Variants in GNPDA1 observed in about 807,000 individuals in gnomAD.
GNPDA1 encodes the protein GNPDA 1.
In GNPDA1, 24 loss-of-function variants were observed where a neutral mutation model predicts 28.5. The observed-to-expected ratio is 0.84, with a 90% CI of 0.61 to 1.19. GNPDA1 has a LOEUF of 1.19. GNPDA1 is among the 50% of genes most tolerant of loss of function. GNPDA1 has a pLI of 0.00. For synonymous variants in GNPDA1, 147 were observed against 139.3 expected (o/e 1.06, Z -0.39); for missense variants, 264 against 367.3 (o/e 0.72, Z 2.30).
intron 2 of GNPDA1, among the ~76,000 whole-genome samples, chr5:142,011,323 G>T (rs1477094555): frequency 6.6e-6 from 1 of 151,546 alleles, no homozygotes; most frequent in African/African-American, 2.4e-5. Flanking sequence ...GATGGGTCAG[G>T]TAGGGCCACT....
intron 1 of GNPDA1, chr5:142,012,767 G>C: frequency 1.2e-6 from 1 of 837,438 alleles, no homozygotes; most frequent in African/African-American, 1.8e-5. Context: ...CCCCAGCACT[G>C]CGGTTAGTGG....
rs1305387194 is a variant in GNPDA1 at position 142,011,885 on chromosome 5, C to T, written c.124+27G>A. On this transcript the variant is annotated intron_variant, in intron 2 of 6. Coordinates refer to ENST00000311337, the MANE Select transcript of GNPDA1 (RefSeq NM_005471.5). ...TGCCTACTCTCTCCACCCTTATCCACGGCACCCTCTCCATCCAAGAACGCA... is the reference window on the plus strand; with the variant it reads ...TGCCTACTCTCTCCACCCTTATCCATGGCACCCTCTCCATCCAAGAACGCA... 17 of 1,613,288 alleles carry T rather than the reference C, an allele frequency of 1.1e-5. No individual in the cohort carries two copies. In the East Asian group the frequency reaches 3.6e-4, roughly 34 times the overall value.
intron 5 of GNPDA1, among the ~76,000 whole-genome samples, chr5:142,004,023 G>A (rs1755740976): frequency 6.6e-6 from 1 of 152,190 alleles, no homozygotes; most frequent in African/African-American, 2.4e-5. Flanking sequence ...TGCAGAAGCA[G>A]AGAGGGAATG....
rs1170565313 is a variant in GNPDA1 at position 142,000,802 on chromosome 5, C to T, written c.*1227G>A. On this transcript the variant is annotated 3_prime_UTR_variant, in exon 7 of 7. Transcript: ENST00000311337. Reference sequence around the variant, plus strand: ...ACAAAACACTGGTACCAAACATAGCCCTTAGGCCTGGGCTAGGCTCTCAAA... The same window carrying T: ...ACAAAACACTGGTACCAAACATAGCTCTTAGGCCTGGGCTAGGCTCTCAAA... The T allele has an allele frequency of 2.0e-5, 3 of 152,328 alleles. No homozygotes were observed. The highest frequency in any genetic ancestry group is 6.5e-5 in the Admixed American group (1 of 15,276). 9.4% of individuals were successfully genotyped at this position (152,328 alleles called of 1,614,324 possible). A position where few individuals can be genotyped will look rare whatever the true frequency, so the allele number is the denominator to read the frequency against.
In GNPDA1 at chr5:142,005,133, C is replaced by T. The variant is rs1365327605; in HGVS notation, c.410-17G>A. The T allele has an allele frequency of 7.0e-6, 11 of 1,566,322 alleles. No homozygotes were observed. The East Asian group carries it at 1.1e-4, about 16-fold the overall frequency. On this transcript the variant is annotated splice_polypyrimidine_tract_variant and intron_variant, in intron 4 of 6. Coordinates refer to ENST00000311337, the MANE Select transcript of GNPDA1 (RefSeq NM_005471.5). ...GGCCGATGCCTATAGGGAGAGAGCC[C>T]GTGCAGCCCTGTCAGTCCCAGGGAT...
rs1041249058 is a variant in GNPDA1, at chr5:142,000,999, G to C, written c.*1030C>G. ...GGGCAAAAGGGTTGTATTTCCTGAT[G>C]CTCTCAGAACATCAGACCACACCAT... On this transcript the variant is annotated 3_prime_UTR_variant, in exon 7 of 7. Transcript: ENST00000311337. 6.6e-6 allele frequency: 1 copy of C among 152,550 alleles called. No homozygotes were observed. Among genetic ancestry groups the C allele is most frequent in the African/African-American group, 2.4e-5 (1 of 41,566 alleles). 9.4% of individuals were successfully genotyped at this position (152,550 alleles called of 1,614,324 possible).
rs60242628 is a variant in GNPDA1 at position 142,001,624 on chromosome 5, CAAGACTCTTCA to C, written c.*394_*404del. The C allele has an allele frequency of 0.71, 111,932 of 157,308 alleles. 40,159 individuals carry two copies. The highest frequency in any genetic ancestry group is 0.97 in the East Asian group (5,285 of 5,438). 9.7% of individuals were successfully genotyped at this position (157,308 alleles called of 1,614,324 possible). A position where few individuals can be genotyped will look rare whatever the true frequency, so the allele number is the denominator to read the frequency against. On this transcript the variant is annotated 3_prime_UTR_variant, in exon 7 of 7. Transcript: ENST00000311337. Reference sequence around the variant, plus strand: ...GGCAGGCCTGTGCAAGAAGGACTCTCAAGACTCTTCAAAGAGGTGGTATCCAATATACATAA... The same window carrying C: ...GGCAGGCCTGTGCAAGAAGGACTCTCAAGAGGTGGTATCCAATATACATAA...
intron 2 of GNPDA1, 75 bp downstream of exon 2, chr5:142,011,837 G>C: frequency 6.4e-7 from 1 of 1,551,662 alleles, no homozygotes; most frequent in Non-Finnish European, 8.9e-7. Flanking sequence ...TTGGCTGAGT[G>C]AGCCGGTGTA....
At chr5:142,008,084 G>GAC (rs930800923) in intron 2 of GNPDA1, among the ~76,000 whole-genome samples, 184 bp from the exon 3 acceptor site, 11 of 152,196 alleles carry the variant, frequency 7.2e-5, no homozygotes, top group African/African-American at 2.7e-4. Flanking sequence ...TTTGCCACTA[G>GAC]ACTGTAAGCT....
chr5:142,011,306 G>A (rs921893546), intron 2 of GNPDA1, among the ~76,000 whole-genome samples: 5 of 149,138 alleles, frequency 3.4e-5, no homozygotes, highest in Non-Finnish European at 7.4e-5. Flanking sequence ...ACATAGACAC[G>A]CTAATGGATG....
chr5:142,008,011 AG>A, intron 2 of GNPDA1, 111 bp from the exon 3 acceptor site: 1 of 682,728 alleles, frequency 1.5e-6, no homozygotes, highest in Non-Finnish European at 2.6e-6. Flanking sequence ...TCAGATCTGA[AG>A]TCCTACCCAG....
intron 4 of GNPDA1, 181 bp downstream of exon 4, chr5:142,005,963 A>G: frequency 3.7e-6 from 2 of 545,152 alleles, no homozygotes; most frequent in Non-Finnish European, 6.6e-6. Context: ...AACTGCAGAA[A>G]GAGATCTCCA....
intron 3 of GNPDA1, 78 bp from the exon 4 acceptor site, chr5:142,006,404 G>T: frequency 9.1e-7 from 1 of 1,102,490 alleles, no homozygotes; most frequent in Non-Finnish European, 1.3e-6. Flanking sequence ...AGGACACCAT[G>T]CTGACCTACA....
At chr5:142,002,499 T>TCCTAGGCCTC (rs1755699445) in intron 6 of GNPDA1, among the ~76,000 whole-genome samples, 1 of 152,176 alleles carries the variant, frequency 6.6e-6, no homozygotes, top group African/African-American at 2.4e-5. Flanking sequence ...ACACCTATGA[T>TCCTAGGCCTC]CCTAGCACTT....
chr5:142,006,744 C>A (rs1208785780), intron 3 of GNPDA1, among the ~76,000 whole-genome samples: 2 of 152,286 alleles, frequency 1.3e-5, no homozygotes, highest in East Asian at 3.9e-4. Flanking sequence ...CCCAGTTCTA[C>A]CCCACTCAGC....
In GNPDA1 at chr5:142,003,263, C is replaced by T. The variant is rs1387637744; in HGVS notation, c.595-1G>A. On this transcript the variant is annotated splice_acceptor_variant, in intron 5 of 6. Transcript: ENST00000311337. LOFTEE classifies it high-confidence loss of function. The surrounding 1 kb of genome is among the most constrained non-coding windows in gnomAD (Gnocchi z 4.0). Reference sequence around the variant, plus strand: ...GAGCACCTGTGATAAGGATCATCACCTGGGGATCAGAAAACAAGTCTGTGA... The same window carrying T: ...GAGCACCTGTGATAAGGATCATCACTTGGGGATCAGAAAACAAGTCTGTGA... 6.2e-7 allele frequency: 1 copy of T among 1,605,362 alleles called. No individual in the cohort carries two copies. The highest frequency in any genetic ancestry group is 1.7e-5 in the Admixed American group (1 of 59,168).
At chr5:142,005,694 G>A (rs1755785636) in intron 4 of GNPDA1, among the ~76,000 whole-genome samples, 1 of 152,138 alleles carries the variant, frequency 6.6e-6, no homozygotes, top group Non-Finnish European at 1.5e-5. Flanking sequence ...ATACACAGAA[G>A]GGCAGCCCAG....
Position 142,006,381 on chromosome 5 carries a change from TAAG to T in GNPDA1, c.227-58_227-56del, listed in dbSNP as rs1258972305. ...CTAGGCCAAGCCAAAGCCCCTCTCC[TAAG>T]AAGGATGCCAGGACACCATGCTGAC... On this transcript the variant is annotated intron_variant, in intron 3 of 6. Transcript: ENST00000311337. 26 of 1,339,416 alleles carry T rather than the reference TAAG, an allele frequency of 1.9e-5. No homozygotes were observed. The East Asian group carries it at 4.6e-4, about 24-fold the overall frequency. The allele number at this position is 1,339,416 out of a possible 1,614,324, so 83.0% of individuals were successfully genotyped here.
intron 2 of GNPDA1, among the ~76,000 whole-genome samples, chr5:142,009,770 G>C (rs1483023517): frequency 1.3e-5 from 2 of 152,102 alleles, no homozygotes; most frequent in African/African-American, 4.8e-5. Context: ...GCTTAATTTA[G>C]CTGGAGTTGG....
Sources: allele counts gnomAD v4.1 joint callset (sites outside exome capture counted in the v4.1 genomes callset), GRCh38; gene constraint gnomAD v4.1.1; non-coding constraint Gnocchi (gnomAD v3.1); transcripts MANE v1.5; gene names NCBI Gene and HGNC (gene_info 2026-07-23, HGNC 2026-07-21).